The following DST variants were observed in gnomAD, a reference collection of about 807,000 sequenced individuals.
DST encodes bullous pemphigoid antigen.
In DST, 253 loss-of-function variants were observed where a neutral mutation model predicts 875.2. The observed-to-expected ratio is 0.29, with a 90% CI of 0.26 to 0.32. DST has a LOEUF of 0.32. Ranked by LOEUF, DST falls within the 10% of genes least tolerant of loss-of-function variation. DST has a pLI of 1.00. For missense variants in DST, 8,287 were observed against 9,111.6 expected, an observed-to-expected ratio of 0.91 and a Z score of 3.68; for synonymous variants, 3,124 against 3,197.1, an observed-to-expected ratio of 0.98 and a Z score of 0.77.
intron 4 of DST, among the ~76,000 whole-genome samples, chr6:56,800,990 A>T (rs2099745987): frequency 6.8e-6 from 1 of 147,868 alleles, no homozygotes; most frequent in South Asian, 2.2e-4. Context: ...AATGCACTCC[A>T]GCCGGGGCAA....
intron 4 of DST, among the ~76,000 whole-genome samples, chr6:56,802,452 CT>C (rs2099748229): frequency 6.6e-6 from 1 of 151,982 alleles, no homozygotes; most frequent in African/African-American, 2.4e-5. Flanking sequence ...GGCTTTAATA[CT>C]ACTAGTTTTA....
At chr6:56,646,017 T>C (rs771778611) in intron 14 of DST, 24 bp from the exon 15 acceptor site, 1 of 1,603,956 alleles carries the variant, frequency 6.2e-7, no homozygotes, top group Admixed American at 1.7e-5. Context: ...AAAACTTTAA[T>C]GTGAAGCAAA....
In DST at chr6:56,508,726, A is replaced by C. The variant is rs202215383; in HGVS notation, c.19042T>G (p.Phe6348Val). The change falls in exon 75 of 104, where the codon TTC becomes GTC. Residue 6348 changes from phenylalanine (F) to valine (V), a missense_variant. Phe to Val is a conservative substitution (Grantham distance 50). This residue lies in a region of DST where 1,292 missense variants were observed against 1,552.7 expected (regional missense o/e 0.83). Coordinates refer to ENST00000680361, the MANE Select transcript of DST (RefSeq NM_001374736.1). The stretch of plus-strand genomic sequence containing the variant: ...AGTGTGTGTATGTTCTCCCAAATGA[A>C]AACCATTTGGTCAAGCTTATCCTGA... ...AVQDKLDQMV[F>V]IWENIHTLVE... 9.9e-6 allele frequency: 16 copies of C among 1,613,586 alleles called. No homozygotes were observed. The Admixed American group carries it at 2.5e-4, about 25-fold the overall frequency.
rs1391281304 is a variant in DST at position 56,640,238 on chromosome 6, G to C, written c.2395C>G (p.Leu799Val). ...TLKLMQIRKP[L>V]LKSSLLDQNL... Reference sequence around the variant, plus strand: ...TGATCCAGCAAAGAAGACTTTAGAAGGGGTTTTCGGATCTGCATCAACTTC... The same window carrying C: ...TGATCCAGCAAAGAAGACTTTAGAACGGGTTTTCGGATCTGCATCAACTTC... The change falls in exon 18 of 104, where the codon CTT (leucine) becomes GTT (valine). Residue 799 changes from leucine to valine, a missense_variant. By Grantham distance (32) the Leu-to-Val change is conservative (BLOSUM62 1). This residue lies in a region of DST where 1,160 missense variants were observed against 1,424.3 expected (regional missense o/e 0.81). Coordinates refer to ENST00000680361, the MANE Select transcript of DST (RefSeq NM_001374736.1). 1 of 1,614,016 alleles carries C rather than the reference G, an allele frequency of 6.2e-7. No homozygotes were observed. Among genetic ancestry groups the C allele is most frequent in the Non-Finnish European group, 8.5e-7 (1 of 1,180,018 alleles).
chr6:56,755,870 G>A (rs2099601254), intron 4 of DST, among the ~76,000 whole-genome samples: 1 of 152,178 alleles, frequency 6.6e-6, no homozygotes, highest in African/African-American at 2.4e-5. Context: ...CCATACTATT[G>A]CCTGGAAAGA....
intron 10 of DST, among the ~76,000 whole-genome samples, chr6:56,670,136 G>A (rs1216074789): frequency 2.0e-5 from 1 of 49,344 alleles, no homozygotes; most frequent in East Asian, 3.7e-4. Flanking sequence ...GCCCGTGCGT[G>A]TGTGTGTGTG....
At chr6:56,618,086 T>C (rs766712204) in intron 36 of DST, 2 of 1,614,174 alleles carry the variant, frequency 1.2e-6, no homozygotes, top group Admixed American at 3.3e-5. Context: ...TCTTATCTTC[T>C]CAATTTCAGA....
chr6:56,651,544 T>A (rs1342675896), intron 10 of DST, among the ~76,000 whole-genome samples: 2 of 152,256 alleles, frequency 1.3e-5, no homozygotes, highest in Non-Finnish European at 2.9e-5. Flanking sequence ...TGATTTAAGC[T>A]ACGCTACTCC....
chr6:56,876,618 G>T (rs1350694674), intron 3 of DST, among the ~76,000 whole-genome samples: 7 of 152,156 alleles, frequency 4.6e-5, no homozygotes, highest in Non-Finnish European at 1.0e-4. Context: ...CTCTATCTTG[G>T]ATCAGTTGAA....
Position 56,648,732 on chromosome 6 carries a change from A to G in DST, c.1435-43T>C, listed in dbSNP as rs776384499. ...TAGAAAAGGTTCACATCTGTAGATA[A>G]TAACATTCATATCTAAGACAATTTA... is the stretch of plus-strand genomic sequence containing the variant. On this transcript the variant is annotated intron_variant, in intron 12 of 103. Transcript: ENST00000680361. 1.4e-5 allele frequency: 20 copies of G among 1,476,956 alleles called. 1 individual carries two copies. Among genetic ancestry groups the G allele is most frequent in the Middle Eastern group, 2.2e-4 (1 of 4,604 alleles). 91.5% of individuals were successfully genotyped at this position (1,476,956 alleles called of 1,614,324 possible).
intron 3 of DST, among the ~76,000 whole-genome samples, chr6:56,875,222 G>T (rs1308037634): frequency 6.6e-6 from 1 of 151,908 alleles, no homozygotes; most frequent in African/African-American, 2.4e-5. Flanking sequence ...CTGGCCTCGT[G>T]ATCCGCCCGC....
At position 56,605,374 on chromosome 6, in the gene DST, A is replaced by G; in HGVS notation, c.9254T>C (p.Phe3085Ser). 6.2e-7 allele frequency: 1 copy of G among 1,612,736 alleles called. No individual in the cohort carries two copies. Among genetic ancestry groups the G allele is most frequent in the Admixed American group, 1.7e-5 (1 of 59,804 alleles). Residue 3085 changes from phenylalanine to serine, a missense_variant, in exon 40 of 104, where the codon TTC becomes TCC. By Grantham distance (155) the Phe-to-Ser change is radical. Coordinates refer to ENST00000680361, the MANE Select transcript of DST (RefSeq NM_001374736.1). The stretch of plus-strand genomic sequence containing the variant: ...TGGAAACTGACTATTAATTAACTTG[A>G]AACTATCCCTTGTATTTTTACCAGG... Reference protein sequence around the residue: ...LLPGKNTRDSFKLINSQFPFP... With the variant: ...LLPGKNTRDSSKLINSQFPFP...
At chr6:56,796,883 T>C (rs1052867022) in intron 4 of DST, among the ~76,000 whole-genome samples, 1 of 152,170 alleles carries the variant, frequency 6.6e-6, no homozygotes, top group Non-Finnish European at 1.5e-5. Context: ...AGCAAATGTC[T>C]GCAGTTTGCA....
intron 92 of DST, among the ~76,000 whole-genome samples, chr6:56,475,550 C>T (rs1341395454): frequency 6.6e-6 from 1 of 151,964 alleles, no homozygotes; most frequent in African/African-American, 2.4e-5. Context: ...AGTGTGACAC[C>T]CATCATTTGA....
chr6:56,553,218 T>C lies in DST; in HGVS notation c.15574A>G (p.Ile5192Val). 1 of 1,613,944 alleles carries C rather than the reference T, an allele frequency of 6.2e-7. No homozygotes were observed. ...IDKCQNNLEEIKFCLDPAEGE... is the reference protein window; with the variant it reads ...IDKCQNNLEEVKFCLDPAEGE... ...TCAGCAGGATCCAAGCAAAATTTTATTTCCTCCAGGTTGTTTTGGCATTTG... is the reference window on the plus strand; with the variant it reads ...TCAGCAGGATCCAAGCAAAATTTTACTTCCTCCAGGTTGTTTTGGCATTTG... The change falls in exon 61 of 104, where the codon ATA becomes GTA. Residue 5192 changes from isoleucine to valine, a missense_variant. Transcript: ENST00000680361.
intron 27 of DST, among the ~76,000 whole-genome samples, 164 bp from the exon 28 acceptor site, chr6:56,633,201 T>TTTG (rs1225412177): frequency 3.2e-4 from 49 of 151,476 alleles, no homozygotes; most frequent in African/African-American, 1.2e-3. Context: ...GGTGGTTTTT[T>TTTG]TTTGTTTTTT....
intron 10 of DST, among the ~76,000 whole-genome samples, chr6:56,664,569 G>T (rs2099062558): frequency 6.6e-6 from 1 of 152,046 alleles, no homozygotes; most frequent in Non-Finnish European, 1.5e-5. Context: ...TTGCCTATTG[G>T]CTCTTGGTTA....
intron 2 of DST, among the ~76,000 whole-genome samples, chr6:56,934,842 A>T (rs1291211584): frequency 3.3e-5 from 5 of 151,920 alleles, no homozygotes; most frequent in Admixed American, 2.6e-4. Flanking sequence ...TTAGGAAGCT[A>T]TATATTCTTT....
intron 5 of DST, among the ~76,000 whole-genome samples, chr6:56,732,669 A>G (rs981017712): frequency 6.6e-6 from 1 of 152,252 alleles, no homozygotes; most frequent in African/African-American, 2.4e-5. Flanking sequence ...TGACCACGCC[A>G]GTATCAACCC....
Sources: allele counts gnomAD v4.1 joint callset (sites outside exome capture counted in the v4.1 genomes callset), GRCh38; gene constraint gnomAD v4.1.1; regional missense constraint gnomAD v4.1.1; transcripts MANE v1.5; gene names NCBI Gene and HGNC (gene_info 2026-07-23, HGNC 2026-07-21).